CADPS: variants seen among roughly 807,000 people sequenced by gnomAD.
The protein encoded by CADPS is calcium dependent secretion activator.
In CADPS, 57 loss-of-function variants were observed where a neutral mutation model predicts 167.3. The ratio of observed to expected loss-of-function variants is 0.34; its 90% confidence interval spans 0.28 to 0.42. CADPS has a LOEUF of 0.42. Among genes scored for constraint, CADPS ranks in the 20% least tolerant of loss-of-function variants. CADPS has a pLI of 1.00. For missense variants in CADPS, 1,414 were observed against 1,738.1 expected (o/e 0.81, Z 3.32); for synonymous variants, 676 against 635.3 (o/e 1.06, Z -0.96).
At chr3:62,823,475 A>G (rs2073400683) in intron 1 of CADPS, among the ~76,000 whole-genome samples, 1 of 152,172 alleles carries the variant, frequency 6.6e-6, no homozygotes, top group Non-Finnish European at 1.5e-5. Context: ...ATGCAGTACG[A>G]TTTTTAAATG....
chr3:62,783,675 A>G (rs2092047634), intron 1 of CADPS, among the ~76,000 whole-genome samples: 1 of 152,226 alleles, frequency 6.6e-6, no homozygotes, highest in South Asian at 2.1e-4. Context: ...TTGTTAAAGT[A>G]TTACTTATAA....
At chr3:62,615,243 T>C (rs1193588888) in intron 6 of CADPS, among the ~76,000 whole-genome samples, 4 of 152,138 alleles carry the variant, frequency 2.6e-5, no homozygotes, top group African/African-American at 9.7e-5. Context: ...TCAGTTTTAT[T>C]GAGATGCTGA....
chr3:62,792,632 G>A (rs1244362790), intron 1 of CADPS, among the ~76,000 whole-genome samples: 5 of 152,130 alleles, frequency 3.3e-5, no homozygotes, highest in African/African-American at 1.2e-4. Context: ...GTCACACTCT[G>A]TCACCTAGGC....
intron 9 of CADPS, among the ~76,000 whole-genome samples, chr3:62,567,564 C>CCT (rs2080464767): frequency 3.0e-5 from 1 of 33,818 alleles, no homozygotes; most frequent in Admixed American, 5.5e-4. Context: ...CTAAGCACTG[C>CCT]TTTTTTTTTT....
At chr3:62,644,477 C>T (rs933912978) in intron 6 of CADPS, among the ~76,000 whole-genome samples, 3 of 152,138 alleles carry the variant, frequency 2.0e-5, no homozygotes, top group African/African-American at 7.2e-5. Context: ...ACCTCCTGCA[C>T]AACCCTGCCC....
At position 62,410,475 on chromosome 3, in the gene CADPS, G is replaced by T. The variant is rs577359051; in HGVS notation, c.3778-7290C>A. ...GAAACTGAGACTCAGAAGTAAAGTG[G>T]TCTAGCAGCTAGCAAGAGATGGAAC... On this transcript the variant is annotated intron_variant, in intron 28 of 29. Coordinates refer to ENST00000383710, the MANE Select transcript of CADPS (RefSeq NM_003716.4). 1.1e-4 allele frequency among the ~76,000 whole-genome samples: 16 copies of T among 152,314 alleles called. No individual in the cohort carries two copies. The South Asian group carries it at 3.3e-3, about 32-fold the overall frequency.
intron 1 of CADPS, chr3:62,814,496 C>A (rs529692549): frequency 6.6e-6 from 1 of 152,120 alleles, no homozygotes; most frequent in African/African-American, 2.4e-5. Context: ...ATAAAAATTT[C>A]TTTTACCTAT....
intron 1 of CADPS, among the ~76,000 whole-genome samples, chr3:62,845,082 T>C (rs2077196569): frequency 6.6e-6 from 1 of 152,214 alleles, no homozygotes; most frequent in Non-Finnish European, 1.5e-5. Context: ...CACAGGATGC[T>C]ATCACTGTGG....
At chr3:62,872,594 A>C (rs2082828463) in intron 1 of CADPS, among the ~76,000 whole-genome samples, 1 of 152,198 alleles carries the variant, frequency 6.6e-6, no homozygotes, top group South Asian at 2.1e-4. Flanking sequence ...AAATGCAAAC[A>C]GCATGCCCCT....
chr3:62,417,901 G>A (rs1190225709), intron 28 of CADPS, among the ~76,000 whole-genome samples: 2 of 151,944 alleles, frequency 1.3e-5, no homozygotes, highest in African/African-American at 4.8e-5. Flanking sequence ...ACAATGACAT[G>A]TGCCTATAGT....
In CADPS at chr3:62,853,730, G is replaced by A. The variant is rs150507544; in HGVS notation, c.441+20859C>T. On this transcript the variant is annotated intron_variant, in intron 1 of 29. Transcript: ENST00000383710. ...AATCCCAGCCCTTTGGGAGCCTGAG[G>A]CAGGCAGATCACTTGAACCCAGGAG... Among the ~76,000 whole-genome samples the A allele has an allele frequency of 3.9e-3, 594 of 152,166 alleles. 2 individuals carry two copies. The highest frequency in any genetic ancestry group is 0.013 in the African/African-American group (555 of 41,532).
intron 27 of CADPS, among the ~76,000 whole-genome samples, chr3:62,445,277 C>G (rs1395371601): frequency 1.3e-5 from 2 of 152,114 alleles, no homozygotes; most frequent in Admixed American, 1.3e-4. Flanking sequence ...CCAAAATGAA[C>G]AAATTTAGAA....
intron 3 of CADPS, among the ~76,000 whole-genome samples, chr3:62,732,183 T>C (rs2078036780): frequency 6.6e-6 from 1 of 152,156 alleles, no homozygotes; most frequent in Non-Finnish European, 1.5e-5. Context: ...TTGCATGAGG[T>C]CTGGACCTAG....
At chr3:62,655,528 G>A (rs1328147981) in intron 4 of CADPS, among the ~76,000 whole-genome samples, 1 of 152,170 alleles carries the variant, frequency 6.6e-6, no homozygotes, top group African/African-American at 2.4e-5. Flanking sequence ...TATGCTCTGA[G>A]GGATTTTGGA....
rs559184228 is a variant in CADPS, at chr3:62,627,212, G to C, written c.1325+18510C>G. ...ATTAATTGTCATATTCTGATTCTGA[G>C]AAATTATGCAAACCTCCACCTAATC... On this transcript the variant is annotated intron_variant, in intron 6 of 29. Transcript: ENST00000383710. Among the ~76,000 whole-genome samples the C allele has an allele frequency of 3.9e-5, 6 of 151,930 alleles. No homozygotes were observed. The East Asian group carries it at 1.2e-3, about 29-fold the overall frequency.
At chr3:62,409,560 A>C (rs1016310893) in intron 28 of CADPS, among the ~76,000 whole-genome samples, 3 of 152,234 alleles carry the variant, frequency 2.0e-5, no homozygotes, top group African/African-American at 7.2e-5. Flanking sequence ...ATGATAAGAA[A>C]AAGGTGAATG....
intron 10 of CADPS, among the ~76,000 whole-genome samples, chr3:62,553,286 G>A (rs2152295002): frequency 6.6e-6 from 1 of 152,288 alleles, no homozygotes. Flanking sequence ...TCTCCACTGT[G>A]CAGTTATTTA....
At chr3:62,460,708 G>T (rs1048576533) in intron 26 of CADPS, among the ~76,000 whole-genome samples, 2 of 152,182 alleles carry the variant, frequency 1.3e-5, no homozygotes, top group Non-Finnish European at 2.9e-5. Flanking sequence ...CAAACGTCTC[G>T]CAAATTCTAG....
chr3:62,612,871 G>A (rs2061689694), intron 6 of CADPS, among the ~76,000 whole-genome samples: 1 of 152,156 alleles, frequency 6.6e-6, no homozygotes, highest in African/African-American at 2.4e-5. Flanking sequence ...AGCACCCAAG[G>A]CACTGTTCTG....
Sources: allele counts gnomAD v4.1 joint callset (sites outside exome capture counted in the v4.1 genomes callset), GRCh38; gene constraint gnomAD v4.1.1; transcripts MANE v1.5; gene names NCBI Gene and HGNC (gene_info 2026-07-23, HGNC 2026-07-21).